The following PDZRN4 variants were observed in gnomAD, a reference collection of about 807,000 sequenced individuals.
PDZRN4 encodes PDZ domain containing ring finger 4, also known as PDZ domain-containing RING finger protein 4.
PDZRN4 carries 70 observed loss-of-function variants against 99.0 expected under a neutral mutation model. The observed-to-expected ratio is 0.71, with a 90% CI of 0.58 to 0.86. PDZRN4 has a LOEUF of 0.86. Ranked by LOEUF, PDZRN4 falls within the 40% of genes least tolerant of loss-of-function variation. The pLI is 0.00. For missense variants in PDZRN4, 1,474 were observed against 1,331.2 expected (o/e 1.11, Z -1.67); for synonymous variants, 551 against 501.6 (o/e 1.10, Z -1.32).
intron 5 of PDZRN4, among the ~76,000 whole-genome samples, chr12:41,543,078 C>T (rs182828806): frequency 6.6e-6 from 1 of 152,270 alleles, no homozygotes; most frequent in East Asian, 1.9e-4. Context: ...TAATACATCC[C>T]TAAACCCTCT....
intron 3 of PDZRN4, among the ~76,000 whole-genome samples, chr12:41,221,252 C>A (rs1277167606): frequency 2.0e-5 from 3 of 152,116 alleles, no homozygotes; most frequent in Non-Finnish European, 4.4e-5. Context: ...AATGTTAAGT[C>A]CCTGAGATTT....
intron 5 of PDZRN4, among the ~76,000 whole-genome samples, chr12:41,540,241 T>C (rs1428050472): frequency 1.3e-5 from 2 of 152,182 alleles, no homozygotes; most frequent in Non-Finnish European, 2.9e-5. Context: ...AACCTGAAGA[T>C]GAGAAACTCC....
chr12:41,385,355 G>T (rs1228436288), intron 3 of PDZRN4, among the ~76,000 whole-genome samples: 1 of 152,148 alleles, frequency 6.6e-6, no homozygotes, highest in Non-Finnish European at 1.5e-5. Flanking sequence ...CCAAAGCGAA[G>T]TAAAATGGAC....
chr12:41,457,923 T>C (rs1952830284), intron 3 of PDZRN4, among the ~76,000 whole-genome samples: 1 of 152,120 alleles, frequency 6.6e-6, no homozygotes, highest in East Asian at 1.9e-4. Flanking sequence ...TGTAGGGGCT[T>C]TATGTCTTTC....
At chr12:41,479,761 AT>A (rs1250245079) in intron 3 of PDZRN4, among the ~76,000 whole-genome samples, 1 of 152,208 alleles carries the variant, frequency 6.6e-6, no homozygotes, top group African/African-American at 2.4e-5. Context: ...TCAATAACAA[AT>A]TTGCACTAAA....
In PDZRN4 at chr12:41,370,781, T is replaced by C. The variant is rs998236299; in HGVS notation, c.844-135675T>C. On this transcript the variant is annotated intron_variant, in intron 3 of 9. Transcript: ENST00000402685. ...TTGCCTTCTCTTTAATTTCCTCATA[T>C]CTATCTTCCAGTGTATGCATTCCTC... Among the ~76,000 whole-genome samples the C allele has an allele frequency of 2.5e-4, 38 of 152,016 alleles. 1 individual carries two copies. Among genetic ancestry groups the C allele is most frequent in the Admixed American group, 2.5e-3 (38 of 15,250 alleles).
intron 3 of PDZRN4, among the ~76,000 whole-genome samples, chr12:41,426,835 TG>T (rs1348791547): frequency 1.7e-4 from 26 of 152,182 alleles, no homozygotes; most frequent in African/African-American, 5.8e-4. Context: ...AAGGAAGGAA[TG>T]GATGCACACA....
At chr12:41,313,075 G>A (rs562960836) in intron 3 of PDZRN4, among the ~76,000 whole-genome samples, 1 of 152,172 alleles carries the variant, frequency 6.6e-6, no homozygotes, top group Non-Finnish European at 1.5e-5. Context: ...TGTGTGAACT[G>A]GAGCATTATT....
At chr12:41,310,234 T>C (rs986521591) in intron 3 of PDZRN4, among the ~76,000 whole-genome samples, 6 of 149,634 alleles carry the variant, frequency 4.0e-5, no homozygotes, top group Admixed American at 2.0e-4. Context: ...CATCCAGCCT[T>C]GTGAGGAACT....
intron 3 of PDZRN4, among the ~76,000 whole-genome samples, chr12:41,372,340 A>G (rs577141483): frequency 1.9e-4 from 29 of 152,178 alleles, no homozygotes; most frequent in Non-Finnish European, 3.7e-4. Context: ...TTGGTAATAT[A>G]ACATGAAAAT....
intron 3 of PDZRN4, among the ~76,000 whole-genome samples, chr12:41,228,672 A>G (rs1363576540): frequency 6.6e-6 from 1 of 152,104 alleles, no homozygotes; most frequent in Non-Finnish European, 1.5e-5. Flanking sequence ...GAATCAGACA[A>G]TTGTAATATC....
Position 41,236,345 on chromosome 12 carries a change from G to A in PDZRN4, c.843+42157G>A, listed in dbSNP as rs555426883. ...AGAGTGAGACATAGCAGAATTGGGGGCAGGGTGCTTCACAGTACTTGGACT... is the reference window on the plus strand; with the variant it reads ...AGAGTGAGACATAGCAGAATTGGGGACAGGGTGCTTCACAGTACTTGGACT... On this transcript the variant is annotated intron_variant, in intron 3 of 9. Coordinates refer to ENST00000402685, the MANE Select transcript of PDZRN4 (RefSeq NM_001164595.2). 9.2e-4 allele frequency among the ~76,000 whole-genome samples: 140 copies of A among 152,192 alleles called. 1 individual carries two copies. In the South Asian group the frequency reaches 0.027, roughly 29 times the overall value.
intron 7 of PDZRN4, among the ~76,000 whole-genome samples, chr12:41,560,288 C>T (rs751257973): frequency 6.6e-6 from 1 of 152,056 alleles, no homozygotes; most frequent in Non-Finnish European, 1.5e-5. Flanking sequence ...ATAGAAAAAA[C>T]CTAGATATTG....
intron 3 of PDZRN4, among the ~76,000 whole-genome samples, chr12:41,203,806 G>A (rs1950832024): frequency 6.6e-6 from 1 of 152,124 alleles, no homozygotes; most frequent in Admixed American, 6.6e-5. Context: ...AGACTTTGAA[G>A]AAATTAGGGG....
intron 8 of PDZRN4, among the ~76,000 whole-genome samples, chr12:41,564,445 T>A (rs1273398049): frequency 1.3e-5 from 2 of 152,194 alleles, no homozygotes; most frequent in African/African-American, 2.4e-5. Context: ...AGTCTATCTA[T>A]CTGTCAGTAG....
chr12:41,220,244 G>A (rs969076032), intron 3 of PDZRN4, among the ~76,000 whole-genome samples: 9 of 152,072 alleles, frequency 5.9e-5, no homozygotes, highest in African/African-American at 9.7e-5. Flanking sequence ...TTAGTTTCCC[G>A]TGAGTCCTTT....
chr12:41,404,580 G>T (rs1403952672), intron 3 of PDZRN4, among the ~76,000 whole-genome samples: 2 of 151,948 alleles, frequency 1.3e-5, no homozygotes, highest in Admixed American at 6.6e-5. Context: ...TGGCCATACT[G>T]CCCAGAGCCA....
chr12:41,248,591 T>C (rs978743735), intron 3 of PDZRN4, among the ~76,000 whole-genome samples: 3 of 152,210 alleles, frequency 2.0e-5, no homozygotes, highest in African/African-American at 7.2e-5. Flanking sequence ...TTAATCATTA[T>C]GGTAGACTGT....
intron 3 of PDZRN4, among the ~76,000 whole-genome samples, chr12:41,404,597 G>A (rs149759631): frequency 0.011 from 1,623 of 152,106 alleles, 29 homozygotes; most frequent in African/African-American, 0.036. Context: ...GCCATTTACA[G>A]ATCCAATGTA....
Sources: gnomAD v4.1 joint callset for allele counts (sites outside exome capture counted in the v4.1 genomes callset) on GRCh38, gnomAD v4.1.1 for gene constraint, MANE v1.5 for transcripts, NCBI Gene and HGNC (gene_info 2026-07-23, HGNC 2026-07-21) for gene names.